Variants in SLC45A4 observed in about 807,000 individuals in gnomAD.
The protein encoded by SLC45A4 is solute carrier family 45 member 4.
SLC45A4 carries 32 observed loss-of-function variants against 63.7 expected under a neutral mutation model. The ratio of observed to expected loss-of-function variants is 0.50; its 90% CI spans 0.38 to 0.67. The LOEUF (loss-of-function observed/expected upper bound fraction) is 0.67, where lower values mean the gene tolerates loss of function less well. SLC45A4 is among the 30% of genes least tolerant of loss of function. The pLI is 0.00. For missense variants in SLC45A4, 1,027 were observed against 1,157.7 expected (o/e 0.89, Z 1.64); for synonymous variants, 535 against 510.0 (o/e 1.05, Z -0.66).
At chr8:141,295,945 C>T (rs1830532873) in intron 1 of SLC45A4, among the ~76,000 whole-genome samples, 1 of 152,186 alleles carries the variant, frequency 6.6e-6, no homozygotes. Context: ...GTCCACAGCC[C>T]GGGGTCAGCC....
chr8:141,278,792 TG>T lies in SLC45A4; in HGVS notation c.-400-24164del, dbSNP rs1387460005. Among the ~76,000 whole-genome samples the T allele has an allele frequency of 3.9e-5, 6 of 152,258 alleles. No individual in the cohort carries two copies. In the East Asian group the frequency reaches 1.2e-3, roughly 29 times the overall value. ...GCACCCGCAAGGGAGTGGGCAGCAC[TG>T]CAGGATGCAGCAAGGGCTGCTCAGA... is the stretch of plus-strand genomic sequence containing the variant. On this transcript the variant is annotated intron_variant, in intron 1 of 8. Transcript: ENST00000517878. This position sits in a 1 kb window ranked among gnomAD's most constrained non-coding sequence, Gnocchi z 4.1.
chr8:141,271,253 G>A (rs1264770847), intron 1 of SLC45A4, among the ~76,000 whole-genome samples: 1 of 152,208 alleles, frequency 6.6e-6, no homozygotes, highest in Non-Finnish European at 1.5e-5. Flanking sequence ...CAGGCCAACT[G>A]TAGGATGCTG....
At chr8:141,253,636 C>T (rs1292497004) in intron 2 of SLC45A4, among the ~76,000 whole-genome samples, 2 of 152,202 alleles carry the variant, frequency 1.3e-5, no homozygotes, top group Non-Finnish European at 2.9e-5. Flanking sequence ...TCAGTGCTGG[C>T]GACCCTGCCC....
chr8:141,234,242 G>A (rs1827507648), intron 2 of SLC45A4, among the ~76,000 whole-genome samples: 1 of 152,212 alleles, frequency 6.6e-6, no homozygotes, highest in South Asian at 2.1e-4. Flanking sequence ...AAGGAAAAGT[G>A]CTGGCCTCCA....
chr8:141,289,581 G>A (rs1830274619), intron 1 of SLC45A4, among the ~76,000 whole-genome samples: 1 of 152,222 alleles, frequency 6.6e-6, no homozygotes, highest in Non-Finnish European at 1.5e-5. Flanking sequence ...GGGCGGAGAA[G>A]AGCCGGCTGG....
chr8:141,237,558 A>G (rs910557613), intron 2 of SLC45A4, among the ~76,000 whole-genome samples: 1 of 152,166 alleles, frequency 6.6e-6, no homozygotes, highest in African/African-American at 2.4e-5. Context: ...GTAATGCCTC[A>G]TATTTTAACC....
intron 1 of SLC45A4, among the ~76,000 whole-genome samples, chr8:141,289,410 TAA>T (rs1408408741): frequency 6.6e-6 from 1 of 152,214 alleles, no homozygotes; most frequent in African/African-American, 2.4e-5. Flanking sequence ...GAGTGAAGTC[TAA>T]GAGTCACAAA....
intron 1 of SLC45A4, among the ~76,000 whole-genome samples, chr8:141,275,564 T>G (rs1829697160): frequency 6.6e-6 from 1 of 150,942 alleles, no homozygotes; most frequent in Non-Finnish European, 1.5e-5. Context: ...CACCTGTGAA[T>G]AGGTGGCGTG....
At chr8:141,268,688 C>T (rs974344622) in intron 1 of SLC45A4, among the ~76,000 whole-genome samples, 3 of 152,054 alleles carry the variant, frequency 2.0e-5, no homozygotes, top group African/African-American at 4.8e-5. Context: ...CCTGATAATC[C>T]CTGGTTGTCC....
chr8:141,231,787 C>T (rs1827370105), intron 2 of SLC45A4, among the ~76,000 whole-genome samples: 1 of 152,240 alleles, frequency 6.6e-6, no homozygotes, highest in Non-Finnish European at 1.5e-5. Flanking sequence ...GCCATGGATC[C>T]CACTAGGAAG....
chr8:141,268,240 T>C (rs557476634), intron 1 of SLC45A4, among the ~76,000 whole-genome samples: 1 of 152,332 alleles, frequency 6.6e-6, no homozygotes, highest in East Asian at 1.9e-4. Context: ...TGATTCCAAC[T>C]AGACGACTTT....
At chr8:141,239,450 C>G (rs1172594467) in intron 2 of SLC45A4, among the ~76,000 whole-genome samples, 1 of 152,206 alleles carries the variant, frequency 6.6e-6, no homozygotes, top group Non-Finnish European at 1.5e-5. Flanking sequence ...AATTGCAACA[C>G]AGCTCAGCTT....
At position 141,219,734 on chromosome 8, in the gene SLC45A4, C is replaced by T. The variant is rs754283275; in HGVS notation, c.526G>A (p.Glu176Lys). 10 of 1,606,838 alleles carry T rather than the reference C, an allele frequency of 6.2e-6. No individual in the cohort carries two copies. Among genetic ancestry groups the T allele is most frequent in the African/African-American group, 2.7e-5 (2 of 74,762 alleles). ...VVLDFSADATEGPIRAYLLDV... is the reference protein window; with the variant it reads ...VVLDFSADATKGPIRAYLLDV... ...AGCAGATAGGCACGGATGGGCCCCT[C>T]GGTGGCATCGGCGCTGAAGTCCAGG... The change falls in exon 4 of 9, where the codon GAG becomes AAG. Residue 176 changes from glutamate to lysine, a missense_variant. Physicochemically the swap from Glu to Lys is moderately conservative, Grantham distance 56. Transcript: ENST00000517878.
chr8:141,232,176 G>A (rs945103114), intron 2 of SLC45A4, among the ~76,000 whole-genome samples: 1 of 152,246 alleles, frequency 6.6e-6, no homozygotes, highest in South Asian at 2.1e-4. Flanking sequence ...AGGGACTGGA[G>A]GGGGCGGGGG....
At position 141,256,691 on chromosome 8, in the gene SLC45A4, T is replaced by C. The variant is rs1287530145; in HGVS notation, c.-400-2062A>G. The C allele has an allele frequency of 2.2e-6, 1 of 450,954 alleles. No homozygotes were observed. The highest frequency in any genetic ancestry group is 2.4e-5 in the Admixed American group (1 of 42,448). 27.9% of individuals were successfully genotyped at this position (450,954 alleles called of 1,614,324 possible). A position where few individuals can be genotyped will look rare whatever the true frequency, so the allele number is the denominator to read the frequency against. ...AAAGGTTCAAGTGGTGCTACCTATG[T>C]ATTTGCTTCTTACGTCCCCTGAACG... On this transcript the variant is annotated intron_variant, in intron 1 of 8. Transcript: ENST00000517878. The surrounding 1 kb of genome is among the most constrained non-coding windows in gnomAD (Gnocchi z 4.3).
chr8:141,257,710 G>C (rs1266534185), intron 1 of SLC45A4, among the ~76,000 whole-genome samples: 2 of 152,190 alleles, frequency 1.3e-5, no homozygotes, highest in African/African-American at 4.8e-5. Flanking sequence ...GCAATGACGT[G>C]AGACATCTCT....
Position 141,215,073 on chromosome 8 carries a change from G to A in SLC45A4, c.1941+686C>T, listed in dbSNP as rs996313125. Among the ~76,000 whole-genome samples the A allele has an allele frequency of 5.3e-5, 8 of 152,208 alleles. No individual in the cohort carries two copies. The highest frequency in any genetic ancestry group is 1.4e-4 in the African/African-American group (6 of 41,454). On this transcript the variant is annotated intron_variant, in intron 7 of 8. Coordinates refer to ENST00000517878, the MANE Select transcript of SLC45A4 (RefSeq NM_001286646.2). This position sits in a 1 kb window ranked among gnomAD's most constrained non-coding sequence, Gnocchi z 4.3. ...ACACTGTGACATGAAAAGGCTGGCC[G>A]TGCTGCCGCCAGCAAGCACGTGAGT...
At chr8:141,290,464 G>A (rs548226613) in intron 1 of SLC45A4, among the ~76,000 whole-genome samples, 21 of 152,330 alleles carry the variant, frequency 1.4e-4, no homozygotes, top group African/African-American at 4.6e-4. Flanking sequence ...TTTCCGTGGT[G>A]CTCACTGCTA....
chr8:141,221,940 T>C (rs773488082), intron 2 of SLC45A4, among the ~76,000 whole-genome samples, 175 bp from the exon 3 acceptor site: 2 of 152,250 alleles, frequency 1.3e-5, no homozygotes, highest in African/African-American at 4.8e-5. Flanking sequence ...CCAGATGACC[T>C]GAAATCAACC....
Sources: allele counts gnomAD v4.1 joint callset (sites outside exome capture counted in the v4.1 genomes callset), GRCh38; gene constraint gnomAD v4.1.1; non-coding constraint Gnocchi (gnomAD v3.1); transcripts MANE v1.5; gene names NCBI Gene and HGNC (gene_info 2026-07-23, HGNC 2026-07-21).